DNAJC25: variants seen among roughly 807,000 people sequenced by gnomAD.
DNAJC25 encodes the protein DnaJ heat shock protein family (Hsp40) member C25, also known as dnaJ homolog subfamily C member 25.
In DNAJC25, 26 loss-of-function variants were observed where a neutral mutation model predicts 42.1. That is an observed-to-expected ratio of 0.62 (90% CI 0.45 to 0.86). The LOEUF is 0.86. Among genes scored for constraint, DNAJC25 ranks in the 40% least tolerant of loss-of-function variants. The probability of loss-of-function intolerance (pLI) is 0.00; values close to 1 mark genes in which losing one functional copy is unlikely to be tolerated. For synonymous variants in DNAJC25, 189 were observed against 179.9 expected, an observed-to-expected ratio of 1.05 and a Z score of -0.40; for missense variants, 404 against 459.4, an observed-to-expected ratio of 0.88 and a Z score of 1.10.
chr9:111,631,641 T>C lies in DNAJC25; in HGVS notation c.234T>C (p.Pro78=), dbSNP rs1197126943. Reference sequence around the variant, plus strand: ...GCCAGCTGGCCCGGCGCTACCACCCTGACCGCTACCGGCCCCAGCCCGGAG... The same window carrying C: ...GCCAGCTGGCCCGGCGCTACCACCCCGACCGCTACCGGCCCCAGCCCGGAG... The part of the protein sequence containing the change: ...AYRQLARRYH[P]DRYRPQPGDE... Residue 78 remains proline (P), a synonymous_variant, in exon 1 of 4, where the codon CCT becomes CCC. Transcript: ENST00000313525. 1.3e-6 allele frequency: 2 copies of C among 1,514,884 alleles called. No homozygotes were observed. Among genetic ancestry groups the C allele is most frequent in the South Asian group, 2.4e-5 (2 of 82,772 alleles). The allele number at this position is 1,514,884 out of a possible 1,614,324, so 93.8% of individuals were successfully genotyped here. A position where few individuals can be genotyped will look rare whatever the true frequency, so the allele number is the denominator to read the frequency against.
intron 1 of DNAJC25, among the ~76,000 whole-genome samples, chr9:111,638,414 T>C (rs1465862777): frequency 6.6e-6 from 1 of 152,234 alleles, no homozygotes; most frequent in Non-Finnish European, 1.5e-5. Flanking sequence ...AAGTTACTTC[T>C]GTCTCTAGAG....
rs540992498 is a variant in DNAJC25 at position 111,645,600 on chromosome 9, C to T, written c.337-1507C>T. Among the ~76,000 whole-genome samples, 4 of 152,190 alleles carry T rather than the reference C, an allele frequency of 2.6e-5. No individual in the cohort carries two copies. The South Asian group carries it at 8.3e-4, about 32-fold the overall frequency. The stretch of plus-strand genomic sequence containing the variant: ...ACGTAATGATTTTAATGGATACAAG[C>T]AAGATTTAGTCATTAACAAATTTCT... On this transcript the variant is annotated intron_variant, in intron 1 of 3. Coordinates refer to ENST00000313525, the MANE Select transcript of DNAJC25 (RefSeq NM_001015882.3).
chr9:111,638,568 A>G (rs761750238), intron 1 of DNAJC25, among the ~76,000 whole-genome samples: 2 of 152,144 alleles, frequency 1.3e-5, no homozygotes, highest in Non-Finnish European at 2.9e-5. Flanking sequence ...ATCTTCTCCA[A>G]ACTTGCTGTT....
Position 111,653,165 on chromosome 9 carries a change from AT to A in DNAJC25, c.1027del (p.Tyr343ThrfsTer5). 1 of 1,603,584 alleles carries A rather than the reference AT, an allele frequency of 6.2e-7. No homozygotes were observed. The highest frequency in any genetic ancestry group is 8.5e-7 in the Non-Finnish European group (1 of 1,173,862). On this transcript the variant is annotated frameshift_variant, in exon 4 of 4. Coordinates refer to ENST00000313525, the MANE Select transcript of DNAJC25 (RefSeq NM_001015882.3). LOFTEE classifies it high-confidence loss of function. Reference sequence around the variant, plus strand: ...TGGCAAATGACCCCAGATGGAAGAGATACAGGAGATGGATGAAGAATGAAGG... The same window carrying A: ...TGGCAAATGACCCCAGATGGAAGAGAACAGGAGATGGATGAAGAATGAAGG... Reference protein sequence around the residue: ...KLANDPRWKRYRRWMKNEGPG... With the variant: ...KLANDPRWKRXRRWMKNEGPG...
At chr9:111,641,439 T>C (rs1341981115) in intron 1 of DNAJC25, among the ~76,000 whole-genome samples, 26 of 81,866 alleles carry the variant, frequency 3.2e-4, no homozygotes, top group East Asian at 5.0e-4. Flanking sequence ...CCGCCCCGTC[T>C]GGGAGGTGAG....
intron 3 of DNAJC25, among the ~76,000 whole-genome samples, chr9:111,652,438 C>A (rs1248511538): frequency 4.1e-5 from 6 of 147,668 alleles, no homozygotes; most frequent in Admixed American, 4.0e-4. Flanking sequence ...TTGCTTGAAT[C>A]CAGGAGGCAG....
At chr9:111,653,035 C>T in intron 3 of DNAJC25, 65 bp from the exon 4 acceptor site, 3 of 1,424,726 alleles carry the variant, frequency 2.1e-6, no homozygotes, top group Non-Finnish European at 2.8e-6. Flanking sequence ...TGTAAATATG[C>T]CATAAAGCTA....
intron 1 of DNAJC25, among the ~76,000 whole-genome samples, chr9:111,635,103 A>T (rs1830344071): frequency 6.6e-6 from 1 of 152,218 alleles, no homozygotes; most frequent in Non-Finnish European, 1.5e-5. Context: ...AAACAAGTGG[A>T]CACTTACCCT....
intron 1 of DNAJC25, among the ~76,000 whole-genome samples, chr9:111,637,153 A>G (rs1178129447): frequency 3.3e-5 from 5 of 152,156 alleles, no homozygotes; most frequent in African/African-American, 1.2e-4. Flanking sequence ...CAGGAGTGCA[A>G]AGACCCTTAC....
intron 1 of DNAJC25, among the ~76,000 whole-genome samples, chr9:111,640,968 G>C (rs866827510): frequency 3.0e-5 from 3 of 99,356 alleles, no homozygotes; most frequent in South Asian, 3.1e-4. Context: ...TCAGCCCCCC[G>C]CCTGGCCAGC....
chr9:111,631,781 C>T, intron 1 of DNAJC25, 38 bp downstream of exon 1: 1 of 1,477,414 alleles, frequency 6.8e-7, no homozygotes, highest in South Asian at 1.3e-5. Flanking sequence ...CGAAGACTGG[C>T]CGCGGGAAGC....
intron 1 of DNAJC25, among the ~76,000 whole-genome samples, chr9:111,644,017 A>G (rs1830528153): frequency 6.6e-6 from 1 of 152,198 alleles, no homozygotes; most frequent in Non-Finnish European, 1.5e-5. Flanking sequence ...GATCATCATC[A>G]GTATGCATGA....
chr9:111,639,430 A>C (rs1475020242), intron 1 of DNAJC25, among the ~76,000 whole-genome samples: 3 of 152,198 alleles, frequency 2.0e-5, no homozygotes, highest in African/African-American at 7.2e-5. Context: ...GAATAGGAGG[A>C]GGCAAGAAAA....
intron 1 of DNAJC25, among the ~76,000 whole-genome samples, chr9:111,632,839 T>C (rs1233494261): frequency 2.0e-5 from 3 of 152,182 alleles, no homozygotes; most frequent in South Asian, 2.1e-4. Flanking sequence ...AACAACTTTA[T>C]TGATGCCTTC....
chr9:111,643,037 C>T (rs919849211), intron 1 of DNAJC25: 1 of 385,518 alleles, frequency 2.6e-6, no homozygotes. Flanking sequence ...AATCTCCAGA[C>T]CCTGGGACCT....
rs1564083772 is a variant in DNAJC25 at position 111,639,904 on chromosome 9, C to CTCCGTCTCCGTCTCCGTCTCCG, written c.337-7201_337-7200insCGTCTCCGTCTCCGTCTCCGTC. Among the ~76,000 whole-genome samples the CTCCGTCTCCGTCTCCGTCTCCG allele has an allele frequency of 2.0e-3, 146 of 72,278 alleles. 5 individuals carry two copies. Among genetic ancestry groups the CTCCGTCTCCGTCTCCGTCTCCG allele is most frequent in the African/African-American group, 5.6e-3 (141 of 24,972 alleles). The allele number at this position is 72,278 out of a possible 152,430, so 47.4% of individuals were successfully genotyped here. ...CTTTAAAGGCAAGGAGGAGCTCTCC[C>CTCCGTCTCCGTCTCCGTCTCCG]TCTCCCTCTCCCTCTCCCTCTCCCT... On this transcript the variant is annotated intron_variant, in intron 1 of 3. Transcript: ENST00000313525.
In DNAJC25 at chr9:111,649,940, C is replaced by T. The variant is rs1005073003; in HGVS notation, c.960+17C>T. The stretch of plus-strand genomic sequence containing the variant: ...AATTATGAGGTGAGTAGTCACCCTG[C>T]TGTGATTTAAGTGTCATCCACCTGA... On this transcript the variant is annotated intron_variant, in intron 3 of 3. Coordinates refer to ENST00000313525, the MANE Select transcript of DNAJC25 (RefSeq NM_001015882.3). 3.3e-6 allele frequency: 5 copies of T among 1,535,286 alleles called. No homozygotes were observed. The highest frequency in any genetic ancestry group is 3.5e-6 in the Non-Finnish European group (4 of 1,148,576).
At position 111,649,683 on chromosome 9, in the gene DNAJC25, A is replaced by T. The variant is rs1261637152; in HGVS notation, c.720A>T (p.Gln240His). ...IDIKGGYQKP[Q>H]ICDLLLFQII... ...TAAAGGGGGGCTATCAGAAACCCCA[A>T]ATCTGTGATCTTCTCCTGTTTCAAA... Residue 240 changes from glutamine (Q) to histidine (H), a missense_variant, in exon 3 of 4, where the codon CAA becomes CAT. Gln to His is a conservative substitution (Grantham distance 24). Coordinates refer to ENST00000313525, the MANE Select transcript of DNAJC25 (RefSeq NM_001015882.3). The T allele has an allele frequency of 6.2e-7, 1 of 1,614,000 alleles. No individual in the cohort carries two copies. The highest frequency in any genetic ancestry group is 1.3e-5 in the African/African-American group (1 of 74,944).
At chr9:111,641,689 C>T (rs1432066547) in intron 1 of DNAJC25, among the ~76,000 whole-genome samples, 2 of 138,130 alleles carry the variant, frequency 1.4e-5, no homozygotes, top group Admixed American at 7.0e-5. Flanking sequence ...GGGGGGTCAG[C>T]CCCCCTGCCC....
Sources: gnomAD v4.1 joint callset for allele counts (sites outside exome capture counted in the v4.1 genomes callset) on GRCh38, gnomAD v4.1.1 for gene constraint, MANE v1.5 for transcripts, NCBI Gene and HGNC (gene_info 2026-07-23, HGNC 2026-07-21) for gene names.